The following GFRA1 variants were observed in gnomAD, a reference collection of about 807,000 sequenced individuals.
GFRA1 encodes GDNF family receptor alpha 1.
Under a neutral mutation model 51.6 loss-of-function variants are expected in GFRA1, and 16 were observed. The observed-to-expected ratio is 0.31, with a 90% CI of 0.21 to 0.47. The LOEUF (loss-of-function observed/expected upper bound fraction) is 0.47. Among genes scored for constraint, GFRA1 ranks in the 20% least tolerant of loss-of-function variants. The pLI, the probability that GFRA1 is intolerant of heterozygous loss-of-function variation, is 1.00. For missense variants in GFRA1, 530 were observed against 594.3 expected, an observed-to-expected ratio of 0.89 and a Z score of 1.13; for synonymous variants, 270 against 241.3, an observed-to-expected ratio of 1.12 and a Z score of -1.10.
intron 5 of GFRA1, among the ~76,000 whole-genome samples, chr10:116,176,021 A>G (rs1961553168): frequency 6.6e-6 from 1 of 152,352 alleles, no homozygotes; most frequent in South Asian, 2.1e-4. Flanking sequence ...TTCCGCCACA[A>G]ACAATGCAGC....
rs370203583 is a variant in GFRA1, at chr10:116,195,692, G to A, written c.433+15939C>T. Among the ~76,000 whole-genome samples, 37 of 152,308 alleles carry A rather than the reference G, an allele frequency of 2.4e-4. No homozygotes were observed. In the East Asian group the frequency reaches 3.9e-3, roughly 16 times the overall value. On this transcript the variant is annotated intron_variant, in intron 5 of 10. Coordinates refer to ENST00000355422, the MANE Select transcript of GFRA1 (RefSeq NM_005264.8). ...CATGGCCCAGGGATCTCCAACTCCT[G>A]TTGTAGAGGACAAACTGATTGCTAT...
intron 4 of GFRA1, among the ~76,000 whole-genome samples, chr10:116,252,736 ACTT>A (rs561983743): frequency 1.6e-3 from 245 of 152,252 alleles, no homozygotes; most frequent in African/African-American, 5.7e-3. Context: ...TTAACTAAGA[ACTT>A]CTATCACTGT....
intron 4 of GFRA1, among the ~76,000 whole-genome samples, chr10:116,254,160 A>G (rs1968618130): frequency 6.6e-6 from 1 of 151,898 alleles, no homozygotes; most frequent in Non-Finnish European, 1.5e-5. Context: ...GTCTCTACTA[A>G]AAATAAAAAA....
intron 5 of GFRA1, among the ~76,000 whole-genome samples, chr10:116,176,228 A>T (rs1227500828): frequency 2.0e-5 from 3 of 152,196 alleles, no homozygotes; most frequent in Non-Finnish European, 4.4e-5. Context: ...ACATGTTTAG[A>T]CCTTGGGAAG....
intron 6 of GFRA1, among the ~76,000 whole-genome samples, chr10:116,113,835 C>T (rs2133976998): frequency 6.6e-6 from 1 of 152,298 alleles, no homozygotes; most frequent in South Asian, 2.1e-4. Flanking sequence ...ACAGCTCCCA[C>T]TTCCAAGGTT....
chr10:116,213,853 T>C (rs751066127), intron 4 of GFRA1, among the ~76,000 whole-genome samples: 7 of 152,166 alleles, frequency 4.6e-5, no homozygotes, highest in Non-Finnish European at 1.0e-4. Context: ...TAAAACAGAT[T>C]GCAGGCTCAT....
At chr10:116,228,455 C>A (rs917824088) in intron 4 of GFRA1, among the ~76,000 whole-genome samples, 1 of 152,140 alleles carries the variant, frequency 6.6e-6, no homozygotes, top group Admixed American at 6.5e-5. Flanking sequence ...ATGTTCTAAT[C>A]CCTGGAATCT....
At chr10:116,196,737 CT>C (rs1218306411) in intron 5 of GFRA1, among the ~76,000 whole-genome samples, 2 of 86,536 alleles carry the variant, frequency 2.3e-5, no homozygotes, top group Non-Finnish European at 4.5e-5. Context: ...ATATATAATA[CT>C]ATATATAATA....
At chr10:116,078,429 T>C (rs1955707404) in intron 9 of GFRA1, among the ~76,000 whole-genome samples, 1 of 152,292 alleles carries the variant, frequency 6.6e-6, no homozygotes, top group East Asian at 1.9e-4. Flanking sequence ...TGGTAGCCTG[T>C]CCATGCTGGG....
intron 4 of GFRA1, among the ~76,000 whole-genome samples, chr10:116,266,732 G>A (rs1969685829): frequency 6.6e-6 from 1 of 152,154 alleles, no homozygotes; most frequent in Non-Finnish European, 1.5e-5. Flanking sequence ...AGTGAAACTT[G>A]GCCCATGCAG....
intron 6 of GFRA1, among the ~76,000 whole-genome samples, chr10:116,102,071 G>A (rs538336460): frequency 2.6e-4 from 39 of 152,160 alleles, no homozygotes; most frequent in Non-Finnish European, 5.6e-4. Flanking sequence ...TGGATCCCTT[G>A]TCTCACATAC....
At chr10:116,105,947 G>C (rs1684837241) in intron 6 of GFRA1, among the ~76,000 whole-genome samples, 1 of 152,170 alleles carries the variant, frequency 6.6e-6, no homozygotes, top group South Asian at 2.1e-4. Context: ...TATAATTATG[G>C]TCATGGATCT....
chr10:116,074,058 G>C (rs916714461), intron 9 of GFRA1, among the ~76,000 whole-genome samples: 2 of 152,184 alleles, frequency 1.3e-5, no homozygotes, highest in Non-Finnish European at 2.9e-5. Flanking sequence ...TGATGACTGT[G>C]ATCATTACTG....
intron 5 of GFRA1, among the ~76,000 whole-genome samples, chr10:116,190,815 A>T (rs2134321547): frequency 6.6e-6 from 1 of 152,378 alleles, no homozygotes; most frequent in South Asian, 2.1e-4. Context: ...TGCACCGTTT[A>T]TCTGGTGACA....
At chr10:116,167,105 A>G (rs1458950396) in intron 5 of GFRA1, among the ~76,000 whole-genome samples, 1 of 151,904 alleles carries the variant, frequency 6.6e-6, no homozygotes, top group Non-Finnish European at 1.5e-5. Context: ...GGCCCACCAC[A>G]ATCTTCTTAA....
intron 5 of GFRA1, among the ~76,000 whole-genome samples, chr10:116,155,534 T>C (rs1016615389): frequency 2.6e-5 from 4 of 152,194 alleles, no homozygotes; most frequent in African/African-American, 9.7e-5. Flanking sequence ...TACATATTAA[T>C]GGAATTTTTT....
chr10:116,258,787 A>G lies in GFRA1; in HGVS notation c.418+10716T>C, dbSNP rs7895034. Among the ~76,000 whole-genome samples, 310 of 152,296 alleles carry G rather than the reference A, an allele frequency of 2.0e-3. 1 individual carries two copies. The highest frequency in any genetic ancestry group is 7.1e-3 in the African/African-American group (294 of 41,554). On this transcript the variant is annotated intron_variant, in intron 4 of 10. Coordinates refer to ENST00000355422, the MANE Select transcript of GFRA1 (RefSeq NM_005264.8). ...ATGGGGCTAAGAGTACCTCTACTGA[A>G]CAAGGCTTAAGCAAGTTATGACATA...
intron 8 of GFRA1, 23 bp downstream of exon 8, chr10:116,093,679 T>C: frequency 1.2e-6 from 2 of 1,610,798 alleles, no homozygotes; most frequent in Non-Finnish European, 1.7e-6. Context: ...TGCTCCTTTG[T>C]TTCTTATTTT....
At chr10:116,120,593 A>G (rs367579245) in intron 6 of GFRA1, among the ~76,000 whole-genome samples, 7 of 152,290 alleles carry the variant, frequency 4.6e-5, no homozygotes, top group African/African-American at 1.4e-4. Flanking sequence ...TCTAAAAAAT[A>G]ATAATTAAAT....
Sources: allele counts gnomAD v4.1 joint callset (sites outside exome capture counted in the v4.1 genomes callset), GRCh38; gene constraint gnomAD v4.1.1; transcripts MANE v1.5; gene names NCBI Gene and HGNC (gene_info 2026-07-23, HGNC 2026-07-21).